The following APOBR variants were observed in gnomAD, a reference collection of about 807,000 sequenced individuals.
The protein encoded by APOBR is apolipoprotein B receptor.
APOBR carries 57 observed loss-of-function variants against 88.5 expected under a neutral mutation model. The observed-to-expected ratio is 0.64, with a 90% CI of 0.52 to 0.80. APOBR has a LOEUF of 0.80. Among genes scored for constraint, APOBR ranks in the 30% least tolerant of loss-of-function variants. The pLI is 0.00. For synonymous variants in APOBR, 588 were observed against 572.7 expected, an observed-to-expected ratio of 1.03 and a Z score of -0.38; for missense variants, 1,443 against 1,401.6, an observed-to-expected ratio of 1.03 and a Z score of -0.47.
Position 28,495,107 on chromosome 16 carries a change from C to G in APOBR, c.66C>G (p.Leu22=). 1 of 1,512,074 alleles carries G rather than the reference C, an allele frequency of 6.6e-7. No individual in the cohort carries two copies. The highest frequency in any genetic ancestry group is 8.8e-7 in the Non-Finnish European group (1 of 1,131,446). The allele number at this position is 1,512,074 out of a possible 1,614,324, so 93.7% of individuals were successfully genotyped here. Residue 22 remains leucine, a synonymous_variant, in exon 2 of 4, where the codon CTC becomes CTG. Coordinates refer to ENST00000564831, the MANE Select transcript of APOBR (RefSeq NM_018690.4). The part of the protein sequence containing the change: ...HQALRGALDS[L]GTFVSYLLGD... ...TCTCTCTTTTTTCCTAGGATTCCCT[C>G]GGCACCTTTGTCTCCTACCTCCTGG...
At position 28,495,533 on chromosome 16, in the gene APOBR, G is replaced by A. The variant is rs1175449869; in HGVS notation, c.492G>A (p.Glu164=). 1.9e-6 allele frequency: 3 copies of A among 1,568,092 alleles called. No individual in the cohort carries two copies. The highest frequency in any genetic ancestry group is 1.7e-6 in the Non-Finnish European group (2 of 1,156,954). The change falls in exon 2 of 4, where the codon GAG becomes GAA. Residue 164 remains glutamate, a synonymous_variant. Transcript: ENST00000564831. ...CCCAGGAGAGGCAGGAGTCCCATGA[G>A]CAGGAAGTGAACAGAGAAGAGAGGC... ...GQAQERQESH[E]QEVNREERLR... is the part of the protein sequence containing the mutation.
rs772095839 is a variant in APOBR at position 28,498,134 on chromosome 16, C to T, written c.3009C>T (p.His1003=). 7 of 1,597,580 alleles carry T rather than the reference C, an allele frequency of 4.4e-6. No homozygotes were observed. Among genetic ancestry groups the T allele is most frequent in the African/African-American group, 1.3e-5 (1 of 74,840 alleles). ...LDVSVPRSRV[H]LSRSSSQRRS... ...TCTCTGTCCCAAGGAGTCGCGTGCA[C>T]CTCTCGAGAAGCTCCTCACAGCGTC... Residue 1003 remains histidine (H), a synonymous_variant, in exon 3 of 4, where the codon CAC becomes CAT. Coordinates refer to ENST00000564831, the MANE Select transcript of APOBR (RefSeq NM_018690.4).
In APOBR at chr16:28,497,596, G is replaced by A. The variant is rs1470367467; in HGVS notation, c.2555G>A (p.Ser852Asn). 6.2e-6 allele frequency: 10 copies of A among 1,606,792 alleles called. No individual in the cohort carries two copies. In the Admixed American group the frequency reaches 8.5e-5, roughly 14 times the overall value. The change falls in exon 2 of 4, where the codon AGC (serine) becomes AAC (asparagine). Residue 852 changes from serine (S) to asparagine (N), a missense_variant. Coordinates refer to ENST00000564831, the MANE Select transcript of APOBR (RefSeq NM_018690.4). Reference sequence around the variant, plus strand: ...GAGGAATCTGCAGGCGCAGAGGACAGCTGTGGGCTGGATCCCGCGGGCTCC... The same window carrying A: ...GAGGAATCTGCAGGCGCAGAGGACAACTGTGGGCTGGATCCCGCGGGCTCC... ...EAEESAGAED[S>N]CGLDPAGSQT...
chr16:28,496,947 A>G lies in APOBR; in HGVS notation c.1906A>G (p.Asn636Asp), dbSNP rs776044506. 7.1e-6 allele frequency: 11 copies of G among 1,559,122 alleles called. No homozygotes were observed. The highest frequency in any genetic ancestry group is 1.7e-6 in the Non-Finnish European group (2 of 1,152,386). Residue 636 changes from asparagine to aspartate, a missense_variant, in exon 2 of 4, where the codon AAT (asparagine) becomes GAT (aspartate). Transcript: ENST00000564831. ...NRTRKDMERG[N>D]TQEDAADGEQ... ...CACGAGAAAGGACATGGAGAGAGGA[A>G]ATACTCAGGAGGATGCGGCCGATGG...
Position 28,496,452 on chromosome 16 carries a change from G to A in APOBR, c.1411G>A (p.Glu471Lys). 1 of 1,612,088 alleles carries A rather than the reference G, an allele frequency of 6.2e-7. No homozygotes were observed. Among genetic ancestry groups the A allele is most frequent in the Non-Finnish European group, 8.5e-7 (1 of 1,179,042 alleles). ...GGTAGACCTGCGTGGTAAGGAGGCT[G>A]AGATGAGGCAGGACTTGGGGATCAG... ...GQVDLRGKEA[E>K]MRQDLGIRAD... The change falls in exon 2 of 4, where the codon GAG (glutamate) becomes AAG (lysine). Residue 471 changes from glutamate (E) to lysine (K), a missense_variant. Transcript: ENST00000564831.
Position 28,495,955 on chromosome 16 carries a change from C to T in APOBR, c.914C>T (p.Ser305Leu). 1 of 1,609,040 alleles carries T rather than the reference C, an allele frequency of 6.2e-7. No individual in the cohort carries two copies. The highest frequency in any genetic ancestry group is 8.5e-7 in the Non-Finnish European group (1 of 1,178,924). ...GATGGGGAGGAAGCCAGGACAATCT[C>T]AGGCGGGGAGGAGGCTGAGACAGCC... ...ILDGEEARTI[S>L]GGEEAETASG... Residue 305 changes from serine to leucine, a missense_variant, in exon 2 of 4, where the codon TCA (serine) becomes TTA (leucine). Physicochemically the swap from Ser to Leu is moderately radical, Grantham distance 145. Transcript: ENST00000564831.
Position 28,495,622 on chromosome 16 carries a change from GA to G in APOBR, c.582del (p.Ala196ArgfsTer56). 2 of 1,558,136 alleles carry G rather than the reference GA, an allele frequency of 1.3e-6. No homozygotes were observed. The highest frequency in any genetic ancestry group is 1.7e-6 in the Non-Finnish European group (2 of 1,150,868). Reference sequence around the variant, plus strand: ...AGGGCAAGAGAGCCAGGGATGGCCAGAGGGGCGGAGTCAGAGTGGACCTGGC... The same window carrying G: ...AGGGCAAGAGAGCCAGGGATGGCCAGGGGGCGGAGTCAGAGTGGACCTGGC... ...EVRAREPGMA[R>X]GAESEWTWHG... is the part of the protein sequence containing the mutation. On this transcript the variant is annotated frameshift_variant, in exon 2 of 4. Transcript: ENST00000564831. LOFTEE classifies it high-confidence loss of function.
rs1855454057 is a variant in APOBR at position 28,495,693 on chromosome 16, G to T, written c.652G>T (p.Ala218Ser). Residue 218 changes from alanine to serine, a missense_variant, in exon 2 of 4, where the codon GCA becomes TCA. By Grantham distance (99) the Ala-to-Ser change is moderately conservative. Transcript: ENST00000564831. The part of the protein sequence containing the change: ...GKAGAVGPKA[A>S]GDNREMEQGV... ...GGCTGGTGCTGTTGGGCCAAAGGCG[G>T]CAGGGGACAACCGGGAGATGGAGCA... is the stretch of plus-strand genomic sequence containing the variant. The T allele has an allele frequency of 1.3e-6, 2 of 1,533,342 alleles. No individual in the cohort carries two copies. The highest frequency in any genetic ancestry group is 2.0e-5 in the Admixed American group (1 of 49,176). 95.0% of individuals were successfully genotyped at this position (1,533,342 alleles called of 1,614,324 possible). A position where few individuals can be genotyped will look rare whatever the true frequency, so the allele number is the denominator to read the frequency against.
At chr16:28,498,022 G>A in intron 2 of APOBR, 26 bp downstream of exon 2, 2 of 1,560,414 alleles carry the variant, frequency 1.3e-6, no homozygotes, top group African/African-American at 1.4e-5. Context: ...GGGGTCTCGG[G>A]GGGAACGAGT....
chr16:28,495,026 C>T, intron 1 of APOBR, 73 bp from the exon 2 acceptor site: 1 of 1,380,754 alleles, frequency 7.2e-7, no homozygotes. Flanking sequence ...CTGGGCTCCT[C>T]CAGCCAGGGC....
chr16:28,495,651 G>A lies in APOBR; in HGVS notation c.610G>A (p.Gly204Arg). The A allele has an allele frequency of 1.9e-6, 3 of 1,549,958 alleles. No homozygotes were observed. The highest frequency in any genetic ancestry group is 1.4e-5 in the African/African-American group (1 of 73,402). ...GGCGGAGTCAGAGTGGACCTGGCAT[G>A]GGGAGACGGAGGGGAAGGCTGGTGC... ...RGAESEWTWH[G>R]ETEGKAGAVG... Residue 204 changes from glycine (G) to arginine (R), a missense_variant, in exon 2 of 4, where the codon GGG (glycine) becomes AGG (arginine). Gly to Arg is a moderately radical substitution (Grantham distance 125). Transcript: ENST00000564831.
chr16:28,498,667 C>T lies in APOBR; in HGVS notation c.*162C>T. 2 of 817,914 alleles carry T rather than the reference C, an allele frequency of 2.4e-6. No homozygotes were observed. Among genetic ancestry groups the T allele is most frequent in the Non-Finnish European group, 3.8e-6 (2 of 532,792 alleles). The allele number at this position is 817,914 out of a possible 1,614,324, so 50.7% of individuals were successfully genotyped here. On this transcript the variant is annotated 3_prime_UTR_variant, in exon 4 of 4. Coordinates refer to ENST00000564831, the MANE Select transcript of APOBR (RefSeq NM_018690.4). ...TCATGGAGCAGGCAAAACCAGACGT[C>T]TGGGAAGACCGTGAACTTAAGGAGT...
In APOBR at chr16:28,498,208, A is replaced by C. The variant is rs1377130501; in HGVS notation, c.3083A>C (p.Glu1028Ala). Reference protein sequence around the residue: ...RRTPAWEQQEEPPAPNPPEEE... With the variant: ...RRTPAWEQQEAPPAPNPPEEE... ...ACTCCGGCCTGGGAGCAGCAGGAGGAGCCCCCAGCCCCCAACCCTCCTGAG... is the reference window on the plus strand; with the variant it reads ...ACTCCGGCCTGGGAGCAGCAGGAGGCGCCCCCAGCCCCCAACCCTCCTGAG... Residue 1028 changes from glutamate (E) to alanine (A), a missense_variant, in exon 3 of 4, where the codon GAG (glutamate) becomes GCG (alanine). Coordinates refer to ENST00000564831, the MANE Select transcript of APOBR (RefSeq NM_018690.4). 1 of 1,605,106 alleles carries C rather than the reference A, an allele frequency of 6.2e-7. No individual in the cohort carries two copies. Among genetic ancestry groups the C allele is most frequent in the African/African-American group, 1.3e-5 (1 of 74,636 alleles).
Position 28,498,502 on chromosome 16 carries a change from G to T in APOBR, c.3291G>T (p.Gln1097His). The T allele has an allele frequency of 6.3e-7, 1 of 1,595,494 alleles. No individual in the cohort carries two copies. Among genetic ancestry groups the T allele is most frequent in the Non-Finnish European group, 8.5e-7 (1 of 1,171,698 alleles). Reference protein sequence around the residue: ...LQARLGRPKPQ With the variant: ...LQARLGRPKPH ...CCCGTCTGGGCCGGCCTAAGCCCCA[G>T]TGACTGAGACCCGGTGCTCTGGGAG... Residue 1097 changes from glutamine (Q) to histidine (H), a missense_variant, in exon 4 of 4, where the codon CAG (glutamine) becomes CAT (histidine). Coordinates refer to ENST00000564831, the MANE Select transcript of APOBR (RefSeq NM_018690.4).
rs761496596 is a variant in APOBR at position 28,497,270 on chromosome 16, A to G, written c.2229A>G (p.Gln743=). 2.5e-6 allele frequency: 4 copies of G among 1,590,948 alleles called. No homozygotes were observed. The South Asian group carries it at 3.4e-5, about 14-fold the overall frequency. Reference sequence around the variant, plus strand: ...CATCCAGAAGAGGCTGGAGGCTGCAAGCGGTGGCTGTGGGCCTCCCGGACC... The same window carrying G: ...CATCCAGAAGAGGCTGGAGGCTGCAGGCGGTGGCTGTGGGCCTCCCGGACC... ...DRTSRRGWRL[Q]AVAVGLPDRE... is the part of the protein sequence containing the mutation. Residue 743 remains glutamine, a synonymous_variant, in exon 2 of 4, where the codon CAA becomes CAG. Transcript: ENST00000564831.
In APOBR at chr16:28,494,681, G is replaced by A; in HGVS notation, c.-1G>A. The A allele has an allele frequency of 6.2e-7, 1 of 1,612,352 alleles. No homozygotes were observed. Among genetic ancestry groups the A allele is most frequent in the South Asian group, 1.1e-5 (1 of 90,892 alleles). The stretch of plus-strand genomic sequence containing the variant: ...TGGACACACAGACAGAGACAGACAG[G>A]ATGGACTTCCTCCGGCTATACCTCC... On this transcript the variant is annotated 5_prime_UTR_variant, in exon 1 of 4. Transcript: ENST00000564831.
At position 28,498,082 on chromosome 16, in the gene APOBR, C is replaced by T. The variant is rs773804124; in HGVS notation, c.2957C>T (p.Ala986Val). Residue 986 changes from alanine to valine, a missense_variant and splice_region_variant, in exon 3 of 4, where the codon GCC becomes GTC. Coordinates refer to ENST00000564831, the MANE Select transcript of APOBR (RefSeq NM_018690.4). ...RGGAANSWSE[A>V]PLPGSLLDVS... ...TCCTCTGTGCCCCCTTTCCTGCAGG[C>T]CCCGCTCCCCGGGTCCCTCCTAGAC... 1 of 1,544,536 alleles carries T rather than the reference C, an allele frequency of 6.5e-7. No individual in the cohort carries two copies. Among genetic ancestry groups the T allele is most frequent in the Non-Finnish European group, 8.7e-7 (1 of 1,151,424 alleles).
At chr16:28,494,928 GTCCTCGT>G in intron 1 of APOBR, 164 bp from the exon 2 acceptor site, 2 of 841,038 alleles carry the variant, frequency 2.4e-6, no homozygotes, top group South Asian at 3.9e-5. Flanking sequence ...CCAACCATGC[GTCCTCGT>G]ACCCCTAATC....
At position 28,495,761 on chromosome 16, in the gene APOBR, G is replaced by A. The variant is rs768309963; in HGVS notation, c.720G>A (p.Gly240=). The part of the protein sequence containing the change: ...EADAGETEEP[G]AEGAGKGEEV... ...ATGCAGGGGAAACTGAGGAGCCTGG[G>A]GCCGAAGGGGCTGGGAAAGGAGAAG... Residue 240 remains glycine (G), a synonymous_variant, in exon 2 of 4, where the codon GGG becomes GGA. Transcript: ENST00000564831. 12 of 1,558,190 alleles carry A rather than the reference G, an allele frequency of 7.7e-6. No homozygotes were observed. In the African/African-American group the frequency reaches 1.6e-4, roughly 21 times the overall value.
Sources: allele counts gnomAD v4.1 joint callset, GRCh38; gene constraint gnomAD v4.1.1; transcripts MANE v1.5; gene names NCBI Gene and HGNC (gene_info 2026-07-23, HGNC 2026-07-21).